The following CELF1 variants were observed in gnomAD, a reference collection of about 807,000 sequenced individuals.
CELF1 encodes CUGBP Elav-like family member 1, also known as 50 kDa nuclear polyadenylated RNA-binding protein.
Under a neutral mutation model 61.8 loss-of-function variants are expected in CELF1, and 10 were observed. The observed-to-expected ratio is 0.16, with a 90% CI of 0.10 to 0.27. CELF1 has a LOEUF of 0.27. CELF1 is among the 10% of genes least tolerant of loss of function. The probability of loss-of-function intolerance (pLI) is 1.00; values close to 1 mark genes in which losing one functional copy is unlikely to be tolerated. For synonymous variants in CELF1, 236 were observed against 225.1 expected (o/e 1.05, Z -0.43); for missense variants, 380 against 639.1 (o/e 0.59, Z 4.37).
chr11:47,551,790 G>A (rs71475921), intron 1 of CELF1, among the ~76,000 whole-genome samples: 34,585 of 152,154 alleles, frequency 0.23, 5,014 homozygotes, highest in South Asian at 0.46. Flanking sequence ...GAGGCGGGTG[G>A]ATCACCCGAG....
Position 47,468,728 on chromosome 11 carries a change from G to A in CELF1, c.*3502C>T, listed in dbSNP as rs1360286788. 6.6e-6 allele frequency: 1 copy of A among 152,106 alleles called. No homozygotes were observed. Among genetic ancestry groups the A allele is most frequent in the Non-Finnish European group, 1.5e-5 (1 of 67,912 alleles). The allele number at this position is 152,106 out of a possible 1,614,324, so 9.4% of individuals were successfully genotyped here. A position where few individuals can be genotyped will look rare whatever the true frequency, so the allele number is the denominator to read the frequency against. ...AAAGAAAAAAAGAAAAAAAAACGAA[G>A]AAAGAAACAAACATAATAAAAATAC... On this transcript the variant is annotated 3_prime_UTR_variant, in exon 15 of 15. Coordinates refer to ENST00000687097, the MANE Select transcript of CELF1 (RefSeq NM_001376376.1).
At chr11:47,529,778 G>A (rs546329349) in intron 1 of CELF1, among the ~76,000 whole-genome samples, 35 of 152,068 alleles carry the variant, frequency 2.3e-4, no homozygotes, top group African/African-American at 8.4e-4. Flanking sequence ...CCAAGATCAC[G>A]CCACTGCTCT....
chr11:47,565,469 C>G, exon 1 of CELF1: 2 of 634,322 alleles, frequency 3.2e-6, no homozygotes, highest in East Asian at 4.3e-5. Flanking sequence ...TCCCGCCAGT[C>G]CCCCAGAGTC....
chr11:47,515,411 C>G (rs1488125070), intron 1 of CELF1, among the ~76,000 whole-genome samples: 1 of 152,196 alleles, frequency 6.6e-6, no homozygotes, highest in East Asian at 1.9e-4. Context: ...TTGCTCAAAT[C>G]TGGCATGTTC....
chr11:47,498,311 G>A (rs956164875), intron 3 of CELF1, among the ~76,000 whole-genome samples: 2 of 152,054 alleles, frequency 1.3e-5, no homozygotes, highest in Admixed American at 6.6e-5. Context: ...AAGCGGAGGC[G>A]AGAGGACTGC....
intron 12 of CELF1, among the ~76,000 whole-genome samples, chr11:47,476,609 G>A (rs1242786771): frequency 1.3e-5 from 2 of 152,092 alleles, no homozygotes; most frequent in Non-Finnish European, 2.9e-5. Context: ...TGTATTTTTA[G>A]GGGAGACGGG....
intron 1 of CELF1, among the ~76,000 whole-genome samples, chr11:47,529,620 C>T (rs187375384): frequency 2.0e-5 from 3 of 152,088 alleles, no homozygotes; most frequent in Non-Finnish European, 4.4e-5. Context: ...GATCCTGTCA[C>T]TGCACTCCAG....
intron 1 of CELF1, among the ~76,000 whole-genome samples, chr11:47,501,718 G>A (rs1466907269): frequency 6.6e-6 from 1 of 152,046 alleles, no homozygotes; most frequent in Non-Finnish European, 1.5e-5. Context: ...AGCTACTCGG[G>A]AGGCTAAGGC....
At position 47,512,528 on chromosome 11, in the gene CELF1, CAG is replaced by C. The variant is rs552283587; in HGVS notation, c.-153-11598_-153-11597del. Among the ~76,000 whole-genome samples the C allele has an allele frequency of 2.1e-5, 3 of 146,180 alleles. No individual in the cohort carries two copies. In the East Asian group the frequency reaches 6.1e-4, roughly 30 times the overall value. On this transcript the variant is annotated intron_variant, in intron 1 of 14. Transcript: ENST00000687097. ...ATTTTTTTTGTATTTTTAGTAGAGA[CAG>C]AGTCTGGCCATGTTAGCCAGGGTGG...
intron 1 of CELF1, chr11:47,506,748 G>C (rs772569941): frequency 6.6e-6 from 1 of 152,234 alleles, no homozygotes; most frequent in Non-Finnish European, 1.5e-5. Context: ...ATGTACAAAA[G>C]AAGCCATCAC....
intron 1 of CELF1, among the ~76,000 whole-genome samples, chr11:47,547,875 G>C (rs777054382): frequency 7.6e-4 from 115 of 152,144 alleles, no homozygotes; most frequent in Non-Finnish European, 1.4e-3. Flanking sequence ...CTGGGGGGAG[G>C]GGAAAATTGA....
intron 14 of CELF1, among the ~76,000 whole-genome samples, chr11:47,472,835 G>C (rs1232167505): frequency 6.6e-6 from 1 of 152,168 alleles, no homozygotes; most frequent in African/African-American, 2.4e-5. Flanking sequence ...CACAAACCTG[G>C]ACTGTTTAAA....
Position 47,472,050 on chromosome 11 carries a change from C to T in CELF1, c.*180G>A, listed in dbSNP as rs758518592. 4.4e-5 allele frequency: 30 copies of T among 677,156 alleles called. No individual in the cohort carries two copies. Among genetic ancestry groups the T allele is most frequent in the Non-Finnish European group, 7.0e-5 (28 of 398,192 alleles). The allele number at this position is 677,156 out of a possible 1,614,324, so 41.9% of individuals were successfully genotyped here. ...CCAAAGCACAAACTTGTCCTCTGTACGAAGCGAAACTCCCACAGAAGGCAG... is the reference window on the plus strand; with the variant it reads ...CCAAAGCACAAACTTGTCCTCTGTATGAAGCGAAACTCCCACAGAAGGCAG... On this transcript the variant is annotated 3_prime_UTR_variant, in exon 15 of 15. Coordinates refer to ENST00000687097, the MANE Select transcript of CELF1 (RefSeq NM_001376376.1).
chr11:47,506,449 C>A (rs2094508143), intron 1 of CELF1, among the ~76,000 whole-genome samples: 2 of 152,084 alleles, frequency 1.3e-5, no homozygotes, highest in East Asian at 1.9e-4. Context: ...AAAAAAAAAT[C>A]TCATGTTTTA....
chr11:47,564,684 A>G (rs6485759), intron 1 of CELF1, among the ~76,000 whole-genome samples: 152,076 of 152,120 alleles, frequency 1, 76,016 homozygotes, highest in Middle Eastern at 1. Context: ...CCAGCTACTC[A>G]GGAGGCTGAG....
exon 1 of CELF1, chr11:47,565,459 T>A: frequency 3.5e-6 from 2 of 577,328 alleles, no homozygotes; most frequent in Non-Finnish European, 4.9e-6. Flanking sequence ...TCCTCCAGAG[T>A]CCCGCCAGTC....
intron 1 of CELF1, among the ~76,000 whole-genome samples, chr11:47,516,300 C>A (rs2095549575): frequency 6.6e-6 from 1 of 152,168 alleles, no homozygotes; most frequent in African/African-American, 2.4e-5. Flanking sequence ...GAAAGTAATG[C>A]TCTAATACAC....
At chr11:47,550,368 T>C (rs1012769189) in intron 1 of CELF1, among the ~76,000 whole-genome samples, 4 of 151,998 alleles carry the variant, frequency 2.6e-5, no homozygotes, top group Non-Finnish European at 4.4e-5. Context: ...CCATCTCTAC[T>C]AAAAATACAA....
At chr11:47,558,074 C>G (rs778815286), upstream of CELF1, among the ~76,000 whole-genome samples, 56 of 152,182 alleles carry the variant, frequency 3.7e-4, no homozygotes, top group African/African-American at 1.3e-3. Context: ...CCAGACTGGT[C>G]TTGAACTCCT....
Sources: gnomAD v4.1 joint callset for allele counts (sites outside exome capture counted in the v4.1 genomes callset) on GRCh38, gnomAD v4.1.1 for gene constraint, MANE v1.5 for transcripts, NCBI Gene and HGNC (gene_info 2026-07-23, HGNC 2026-07-21) for gene names.